CATSPERD: variants seen among roughly 807,000 people sequenced by gnomAD.
The protein encoded by CATSPERD is catsper channel auxiliary subunit delta.
Under a neutral mutation model 98.1 loss-of-function variants are expected in CATSPERD, and 86 were observed. That is an observed-to-expected ratio of 0.88 (90% CI 0.74 to 1.05). The LOEUF (loss-of-function observed/expected upper bound fraction) is 1.05. Among genes scored for constraint, CATSPERD ranks in the 50% least tolerant of loss-of-function variants. The probability of loss-of-function intolerance (pLI) is 0.00; values close to 1 mark genes in which losing one functional copy is unlikely to be tolerated. For missense variants in CATSPERD, 995 were observed against 1,005.7 expected (o/e 0.99, Z 0.14); for synonymous variants, 394 against 390.2 (o/e 1.01, Z -0.12).
At chr19:5,747,281 C>A (rs1449025385) in intron 9 of CATSPERD, among the ~76,000 whole-genome samples, 1 of 150,182 alleles carries the variant, frequency 6.7e-6, no homozygotes, top group Non-Finnish European at 1.5e-5. Context: ...CTCAAGTGAT[C>A]CTCCTGCTTC....
At chr19:5,743,218 G>T (rs1240109607) in intron 7 of CATSPERD, among the ~76,000 whole-genome samples, 1 of 152,016 alleles carries the variant, frequency 6.6e-6, no homozygotes, top group Non-Finnish European at 1.5e-5. Flanking sequence ...CAGGAGAATC[G>T]ATTGAACCCA....
At chr19:5,760,177 G>C (rs966833871) in intron 15 of CATSPERD, among the ~76,000 whole-genome samples, 1 of 148,480 alleles carries the variant, frequency 6.7e-6, no homozygotes, top group Non-Finnish European at 1.5e-5. Flanking sequence ...GAGGCGGACA[G>C]CTCACAAGGT....
rs772758282 is a variant in CATSPERD at position 5,766,172 on chromosome 19, C to T, written c.1559+17C>T. On this transcript the variant is annotated intron_variant, in intron 17 of 21. Coordinates refer to ENST00000381624, the MANE Select transcript of CATSPERD (RefSeq NM_152784.4). ...CATCCAGAAGTAAGTATGTTGAGGC[C>T]GGGCACCATGGCTCATTCCTGTGAT... The T allele has an allele frequency of 6.3e-5, 101 of 1,608,652 alleles. No individual in the cohort carries two copies. Among genetic ancestry groups the T allele is most frequent in the South Asian group, 3.2e-4 (29 of 90,458 alleles).
intron 1 of CATSPERD, 112 bp downstream of exon 1, chr19:5,720,920 CTT>C (rs1380471205): frequency 4.2e-5 from 35 of 832,744 alleles, no homozygotes; most frequent in East Asian, 3.6e-4. Flanking sequence ...CCCTTTTACT[CTT>C]TTTAGGAATC....
chr19:5,737,315 C>A, intron 6 of CATSPERD, 110 bp downstream of exon 6: 1 of 675,890 alleles, frequency 1.5e-6, no homozygotes, highest in Non-Finnish European at 2.5e-6. Context: ...AATCCCAGCA[C>A]TTTGGGAGGC....
intron 6 of CATSPERD, among the ~76,000 whole-genome samples, chr19:5,737,894 A>G (rs1164766690): frequency 6.6e-6 from 1 of 151,976 alleles, no homozygotes; most frequent in Non-Finnish European, 1.5e-5. Context: ...AGGACAGTGT[A>G]AGGCTTGAGA....
intron 21 of CATSPERD, among the ~76,000 whole-genome samples, chr19:5,777,626 T>C (rs2056759504): frequency 6.6e-6 from 1 of 152,176 alleles, no homozygotes; most frequent in African/African-American, 2.4e-5. Context: ...CTTACGCCTG[T>C]AATCCCAACA....
chr19:5,726,799 T>C (rs1199386887), intron 2 of CATSPERD, among the ~76,000 whole-genome samples: 1 of 152,214 alleles, frequency 6.6e-6, no homozygotes, highest in Non-Finnish European at 1.5e-5. Context: ...CAGTCACATC[T>C]GACATGATCA....
rs1331072905 is a variant in CATSPERD, at chr19:5,739,329, G to A, written c.463G>A (p.Val155Ile). The change falls in exon 7 of 22, where the codon GTC (valine) becomes ATC (isoleucine). Residue 155 changes from valine (V) to isoleucine (I), a missense_variant. Coordinates refer to ENST00000381624, the MANE Select transcript of CATSPERD (RefSeq NM_152784.4). ...TCTTTCTTTTTTTTTTTTATAGCAT[G>A]TCAGTAATTTGGTTTTTGCATATTT... ...CYTGSLFCVH[V>I]SNLVFAYFRG... is the part of the protein sequence containing the mutation. 2.1e-6 allele frequency: 3 copies of A among 1,403,262 alleles called. No individual in the cohort carries two copies. Among genetic ancestry groups the A allele is most frequent in the Non-Finnish European group, 3.0e-6 (3 of 1,005,030 alleles). 86.9% of individuals were successfully genotyped at this position (1,403,262 alleles called of 1,614,324 possible).
chr19:5,750,282 A>G (rs2056182859), intron 11 of CATSPERD, among the ~76,000 whole-genome samples: 1 of 149,286 alleles, frequency 6.7e-6, no homozygotes, highest in Admixed American at 6.7e-5. Flanking sequence ...CCCCGTCTCT[A>G]CTAAAAAAAA....
chr19:5,748,979 C>G (rs10418944), intron 10 of CATSPERD, 122 bp from the exon 11 acceptor site: 75 of 661,560 alleles, frequency 1.1e-4, no homozygotes, highest in African/African-American at 1.1e-3. Flanking sequence ...ATCCACCCCC[C>G]TCGGCCTCTC....
chr19:5,776,423 C>T lies in CATSPERD; in HGVS notation c.2096+108C>T, dbSNP rs530101546. ...CCTGGCTAAACCTGAATTCCCCCAA[C>T]AGCCCAGGCCGTCCCCAGGACAAGT... is the stretch of plus-strand genomic sequence containing the variant. On this transcript the variant is annotated intron_variant, in intron 21 of 21. Coordinates refer to ENST00000381624, the MANE Select transcript of CATSPERD (RefSeq NM_152784.4). 682 of 1,233,158 alleles carry T rather than the reference C, an allele frequency of 5.5e-4. 4 individuals carry two copies. The African/African-American group carries it at 9.3e-3, about 17-fold the overall frequency. 76.4% of individuals were successfully genotyped at this position (1,233,158 alleles called of 1,614,324 possible).
intron 15 of CATSPERD, among the ~76,000 whole-genome samples, 180 bp downstream of exon 15, chr19:5,759,324 G>A (rs1007381463): frequency 7.2e-5 from 11 of 152,062 alleles, no homozygotes; most frequent in Non-Finnish European, 1.3e-4. Context: ...TACTTTGGGA[G>A]GCAGAGGTGG....
rs1327200993 is a variant in CATSPERD at position 5,778,683 on chromosome 19, T to G, written c.*7T>G. 1.2e-6 allele frequency: 2 copies of G among 1,608,612 alleles called. No homozygotes were observed. The highest frequency in any genetic ancestry group is 2.2e-5 in the South Asian group (2 of 90,756). ...AGGCAGGTCTGACCACTGAGGCCGG[T>G]CCACAGGGTCCCAACCCCTTGTCTT... On this transcript the variant is annotated 3_prime_UTR_variant, in exon 22 of 22. Transcript: ENST00000381624.
chr19:5,723,153 C>G (rs1286825302), intron 1 of CATSPERD, among the ~76,000 whole-genome samples: 1 of 145,766 alleles, frequency 6.9e-6, no homozygotes, highest in East Asian at 2.0e-4. Flanking sequence ...CGCCACTGCA[C>G]TCCAGCCTGG....
At position 5,776,188 on chromosome 19, in the gene CATSPERD, A is replaced by G. The variant is rs571209134; in HGVS notation, c.1969A>G (p.Asn657Asp). 1.7e-5 allele frequency: 28 copies of G among 1,614,134 alleles called. No individual in the cohort carries two copies. In the South Asian group the frequency reaches 2.9e-4, roughly 16 times the overall value. Residue 657 changes from asparagine (N) to aspartate (D), a missense_variant, in exon 21 of 22, where the codon AAC becomes GAC. By Grantham distance (23) the Asn-to-Asp change is conservative. Transcript: ENST00000381624. ...ENYVSCHDPN[N>D]NAPLRWPDVQ... ...CTATGTGAGCTGCCACGACCCCAAC[A>G]ACAATGCCCCTTTGAGGTGGCCAGA...
intron 16 of CATSPERD, among the ~76,000 whole-genome samples, chr19:5,765,873 G>A (rs2056528728): frequency 6.6e-6 from 1 of 152,010 alleles, no homozygotes; most frequent in Non-Finnish European, 1.5e-5. Context: ...GCCACTAATA[G>A]CTCCTCAGGC....
chr19:5,721,000 T>C (rs1301589233), intron 1 of CATSPERD, among the ~76,000 whole-genome samples, 192 bp downstream of exon 1: 1 of 113,820 alleles, frequency 8.8e-6, no homozygotes, highest in East Asian at 2.4e-4. Flanking sequence ...CTCCTACCTC[T>C]TTTTTTTTTT....
At chr19:5,766,737 G>C (rs2056545412) in intron 17 of CATSPERD, among the ~76,000 whole-genome samples, 1 of 151,172 alleles carries the variant, frequency 6.6e-6, no homozygotes, top group Non-Finnish European at 1.5e-5. Context: ...CTGTCACCCA[G>C]GCTGGAGTGC....
Sources: gnomAD v4.1 joint callset for allele counts (sites outside exome capture counted in the v4.1 genomes callset) on GRCh38, gnomAD v4.1.1 for gene constraint, MANE v1.5 for transcripts, NCBI Gene and HGNC (gene_info 2026-07-23, HGNC 2026-07-21) for gene names.